Variants in MLPH observed in about 807,000 individuals in gnomAD.
MLPH encodes the protein exophilin-3.
MLPH carries 51 observed loss-of-function variants against 72.1 expected under a neutral mutation model. The ratio of observed to expected loss-of-function variants is 0.71; its 90% CI spans 0.56 to 0.89. MLPH has a LOEUF of 0.89. Among genes scored for constraint, MLPH ranks in the 40% least tolerant of loss-of-function variants. The pLI, the probability that MLPH is intolerant of heterozygous loss-of-function variation, is 0.00. For missense variants in MLPH, 743 were observed against 759.9 expected, an observed-to-expected ratio of 0.98 and a Z score of 0.26; for synonymous variants, 301 against 310.1, an observed-to-expected ratio of 0.97 and a Z score of 0.31.
At chr2:237,545,593 G>C in intron 12 of MLPH, 2 of 1,287,546 alleles carry the variant, frequency 1.6e-6, no homozygotes, top group Non-Finnish European at 2.0e-6. Context: ...ACGTGAAGAT[G>C]GATGTGACTA....
At position 237,540,546 on chromosome 2, in the gene MLPH, C is replaced by G. The variant is rs546028662; in HGVS notation, c.1290+13C>G. ...GGCGGACCCGGAGGTAAGACTATCC[C>G]CCAGAGGTCTCAGCAGGACCCTGCA... is the stretch of plus-strand genomic sequence containing the variant. On this transcript the variant is annotated intron_variant, in intron 10 of 15. Transcript: ENST00000264605. 495 of 1,607,502 alleles carry G rather than the reference C, an allele frequency of 3.1e-4. 5 individuals carry two copies. In the South Asian group the frequency reaches 5.1e-3, roughly 16 times the overall value.
At chr2:237,486,968 G>C (rs2079328445), upstream of MLPH, among the ~76,000 whole-genome samples, 3 of 152,098 alleles carry the variant, frequency 2.0e-5, no homozygotes, top group African/African-American at 7.2e-5. Flanking sequence ...CCCAAGGCAG[G>C]ACCGCGGCGC....
At chr2:237,488,305 G>A (rs1482971919) in intron 1 of MLPH, among the ~76,000 whole-genome samples, 1 of 152,156 alleles carries the variant, frequency 6.6e-6, no homozygotes, top group African/African-American at 2.4e-5. Flanking sequence ...AAGGCTTCTG[G>A]ACTTGCAGAC....
rs909951152 is a variant in MLPH, at chr2:237,510,128, G to A, written c.111-446G>A. On this transcript the variant is annotated intron_variant, in intron 2 of 15. Transcript: ENST00000264605. This position sits in a 1 kb window ranked among gnomAD's most constrained non-coding sequence, Gnocchi z 4.4. ...AAACTCACCGAGCCATTTCAGCTGC[G>A]CTCTAGAGGAGCAAACCTGGGGCGT... 5.4e-5 allele frequency: 14 copies of A among 260,948 alleles called. No homozygotes were observed. The highest frequency in any genetic ancestry group is 2.7e-4 in the African/African-American group (12 of 44,726). 16.2% of individuals were successfully genotyped at this position (260,948 alleles called of 1,614,324 possible).
chr2:237,519,741 C>G (rs1559353707), intron 5 of MLPH, among the ~76,000 whole-genome samples, 169 bp from the exon 6 acceptor site: 2 of 152,176 alleles, frequency 1.3e-5, no homozygotes, highest in Non-Finnish European at 2.9e-5. Flanking sequence ...CCAGCTCCCC[C>G]TCTGGGCTTG....
intron 2 of MLPH, among the ~76,000 whole-genome samples, chr2:237,503,044 G>A (rs183746737): frequency 1.6e-3 from 250 of 152,226 alleles, no homozygotes; most frequent in African/African-American, 5.7e-3. Context: ...GCTTGAACCC[G>A]GGGGGCAAAG....
intron 8 of MLPH, among the ~76,000 whole-genome samples, chr2:237,529,990 G>A (rs1559362276): frequency 6.6e-6 from 1 of 152,244 alleles, no homozygotes; most frequent in Non-Finnish European, 1.5e-5. Context: ...GAGGACGCAG[G>A]TGGTGCACAG....
chr2:237,503,398 C>T (rs2079694862), intron 2 of MLPH, among the ~76,000 whole-genome samples: 1 of 152,196 alleles, frequency 6.6e-6, no homozygotes, highest in Admixed American at 6.5e-5. Context: ...TCTTGGTCTT[C>T]CCCTTTAGAG....
rs747232984 is a variant in MLPH at position 237,527,318 on chromosome 2, AC to A, written c.881-58del. 4.4e-6 allele frequency: 7 copies of A among 1,604,526 alleles called. No homozygotes were observed. In the African/African-American group the frequency reaches 9.4e-5, roughly 21 times the overall value. On this transcript the variant is annotated intron_variant, in intron 7 of 15. Coordinates refer to ENST00000264605, the MANE Select transcript of MLPH (RefSeq NM_024101.7). The stretch of plus-strand genomic sequence containing the variant: ...CTCATTTTTCTTCATTGGACTAAAC[AC>A]GTCCATCAGCTTTCAGGTTTTCACT...
chr2:237,516,028 T>G (rs11884238), intron 4 of MLPH, among the ~76,000 whole-genome samples: 30,360 of 152,250 alleles, frequency 0.2, 3,686 homozygotes, highest in African/African-American at 0.34. Context: ...CCTGCTTCCC[T>G]TTGCAGTTGA....
intron 2 of MLPH, among the ~76,000 whole-genome samples, chr2:237,499,197 C>T (rs2079597810): frequency 1.3e-5 from 2 of 152,174 alleles, no homozygotes; most frequent in Non-Finnish European, 2.9e-5. Flanking sequence ...GCCCTGACAC[C>T]TCATATTGAT....
intron 2 of MLPH, among the ~76,000 whole-genome samples, chr2:237,502,827 AT>A (rs965709300): frequency 4.0e-5 from 6 of 151,878 alleles, no homozygotes; most frequent in South Asian, 4.2e-4. Flanking sequence ...TTTAAAAAAA[AT>A]TTTTTTTTGA....
At chr2:237,536,871 C>T (rs896484185) in intron 9 of MLPH, among the ~76,000 whole-genome samples, 6 of 152,160 alleles carry the variant, frequency 3.9e-5, no homozygotes, top group African/African-American at 9.7e-5. Context: ...GAAAGGGCAG[C>T]CACCCTCGCT....
Position 237,510,644 on chromosome 2 carries a change from G to A in MLPH, c.181G>A (p.Glu61Lys), listed in dbSNP as rs141649649. ...ELLSDTAHLN[E>K]THCARCLQPY... The stretch of plus-strand genomic sequence containing the variant: ...GCTTTCCGACACTGCCCATCTGAAC[G>A]AGACCCACTGCGCCCGCTGCCTGCA... Residue 61 changes from glutamate to lysine, a missense_variant, in exon 3 of 16, where the codon GAG becomes AAG. Glu to Lys is a moderately conservative substitution (Grantham distance 56). Coordinates refer to ENST00000264605, the MANE Select transcript of MLPH (RefSeq NM_024101.7). This position sits in a 1 kb window ranked among gnomAD's most constrained non-coding sequence, Gnocchi z 4.4. 1.1e-5 allele frequency: 18 copies of A among 1,613,666 alleles called. No homozygotes were observed. The highest frequency in any genetic ancestry group is 2.2e-5 in the East Asian group (1 of 44,890).
rs1345394347 is a variant in MLPH at position 237,527,457 on chromosome 2, GCTCA to G, written c.963_966del (p.His322Ter). ...CACCTCTGATGAGGAAAGCATCCGG[GCTCA>G]CGTGATGGCCTCCCACCATTCCAAG... On this transcript the variant is annotated frameshift_variant, in exon 8 of 16. Coordinates refer to ENST00000264605, the MANE Select transcript of MLPH (RefSeq NM_024101.7). LOFTEE classifies it high-confidence loss of function. 5.0e-6 allele frequency: 8 copies of G among 1,614,052 alleles called. No homozygotes were observed. Among genetic ancestry groups the G allele is most frequent in the Non-Finnish European group, 6.8e-6 (8 of 1,180,048 alleles).
rs758805619 is a variant in MLPH, at chr2:237,525,812, GC to G, written c.880+10del. On this transcript the variant is annotated splice_region_variant and intron_variant, in intron 7 of 15. Coordinates refer to ENST00000264605, the MANE Select transcript of MLPH (RefSeq NM_024101.7). Reference sequence around the variant, plus strand: ...GGGACTGCTGCTGCACTCGGTAGGTGCCCTTGGCCAGGGTCTTCCTGATGGG... The same window carrying G: ...GGGACTGCTGCTGCACTCGGTAGGTGCCTTGGCCAGGGTCTTCCTGATGGG... 1,446 of 1,610,254 alleles carry G rather than the reference GC, an allele frequency of 9.0e-4. 3 individuals are homozygous for G. Among genetic ancestry groups the G allele is most frequent in the Non-Finnish European group, 1.1e-3 (1,344 of 1,179,892 alleles).
At chr2:237,539,322 G>A (rs934267979) in intron 9 of MLPH, among the ~76,000 whole-genome samples, 4 of 152,206 alleles carry the variant, frequency 2.6e-5, no homozygotes, top group East Asian at 1.9e-4. Context: ...CGGGGGCCTC[G>A]CGTAGGCAGA....
At chr2:237,534,143 A>T (rs758352145) in intron 8 of MLPH, among the ~76,000 whole-genome samples, 1 of 152,304 alleles carries the variant, frequency 6.6e-6, no homozygotes, top group Non-Finnish European at 1.5e-5. Context: ...CTCCTAGCCC[A>T]CTAGTGACCC....
chr2:237,514,891 C>G (rs1559348440), intron 4 of MLPH, among the ~76,000 whole-genome samples: 1 of 152,238 alleles, frequency 6.6e-6, no homozygotes, highest in African/African-American at 2.4e-5. Context: ...CCAGCATCTT[C>G]CCAGACATTC....
Sources: gnomAD v4.1 joint callset for allele counts (sites outside exome capture counted in the v4.1 genomes callset) on GRCh38, gnomAD v4.1.1 for gene constraint, Gnocchi (gnomAD v3.1) non-coding constraint, MANE v1.5 for transcripts, NCBI Gene and HGNC (gene_info 2026-07-23, HGNC 2026-07-21) for gene names.